Variants in DIP2C observed in about 807,000 individuals in gnomAD.
DIP2C encodes DIP2 acetate--CoA ligase C (putative), also known as disco-interacting protein 2 homolog C.
In DIP2C, 33 loss-of-function variants were observed where a neutral mutation model predicts 192.4. That is an observed-to-expected ratio of 0.17 (90% CI 0.13 to 0.23). The LOEUF (loss-of-function observed/expected upper bound fraction) is 0.23, where lower values mean the gene tolerates loss of function less well. DIP2C is among the 10% of genes least tolerant of loss of function. DIP2C has a pLI of 1.00. For missense variants in DIP2C, 1,537 were observed against 2,110.1 expected, an observed-to-expected ratio of 0.73 and a Z score of 5.32; for synonymous variants, 979 against 864.1, an observed-to-expected ratio of 1.13 and a Z score of -2.33.
intron 31 of DIP2C, chr10:311,576 C>T: frequency 2.4e-6 from 3 of 1,232,266 alleles, no homozygotes; most frequent in Non-Finnish European, 3.0e-6. Context: ...GCTACAGCAG[C>T]AGAAGGGTGA....
chr10:620,831 C>G (rs1256562438), intron 1 of DIP2C, among the ~76,000 whole-genome samples: 2 of 152,188 alleles, frequency 1.3e-5, no homozygotes, highest in Non-Finnish European at 2.9e-5. Context: ...ATTATTTCAA[C>G]GTTTAGTGGT....
chr10:665,372 A>G lies in DIP2C; in HGVS notation c.85+24122T>C, dbSNP rs1857021217. On this transcript the variant is annotated intron_variant, in intron 1 of 36. Transcript: ENST00000280886. ...TGGTGCTTTTTTAACTGAAAAGAAA[A>G]ACGGGGGATAGGTAATAAATAATTA... 2.0e-5 allele frequency: 3 copies of G among 152,316 alleles called. No individual in the cohort carries two copies. In the South Asian group the frequency reaches 6.2e-4, roughly 32 times the overall value. The allele number at this position is 152,316 out of a possible 1,614,324, so 9.4% of individuals were successfully genotyped here.
At chr10:542,171 G>A (rs572897200) in intron 1 of DIP2C, among the ~76,000 whole-genome samples, 94 of 152,252 alleles carry the variant, frequency 6.2e-4, no homozygotes, top group African/African-American at 2.1e-3. Flanking sequence ...CCCCCACCCT[G>A]TGACGGCTCA....
chr10:401,515 G>A (rs1253383644), intron 9 of DIP2C, among the ~76,000 whole-genome samples: 1 of 146,422 alleles, frequency 6.8e-6, no homozygotes, highest in Non-Finnish European at 1.5e-5. Context: ...TTACATGTGT[G>A]GTAGCATTAG....
intron 31 of DIP2C, among the ~76,000 whole-genome samples, chr10:321,665 TCAGTCGGGGGTGCGGGGCTCCGGCGA>T (rs1957034778): frequency 1.8e-5 from 1 of 56,338 alleles, no homozygotes; most frequent in African/African-American, 9.2e-5. Flanking sequence ...GTTAGAACAG[TCAGTCGGGGGTGCGGGGCTCCGGCGA>T]GAGACCGGCG....
chr10:510,254 A>AT (rs1845921684), intron 1 of DIP2C, among the ~76,000 whole-genome samples: 1 of 152,182 alleles, frequency 6.6e-6, no homozygotes, highest in African/African-American at 2.4e-5. Flanking sequence ...GATGAGGAAA[A>AT]TGCTGCTTGG....
At position 480,093 on chromosome 10, in the gene DIP2C, C is replaced by T. The variant is rs912835107; in HGVS notation, c.157+6366G>A. Among the ~76,000 whole-genome samples the T allele has an allele frequency of 4.7e-5, 7 of 150,450 alleles. No individual in the cohort carries two copies. In the South Asian group the frequency reaches 8.5e-4, roughly 18 times the overall value. ...GAGTGTCATCCGCCAGCCTGAGCTC[C>T]GGTCCACGCTCACTGGATGAGTCTC... On this transcript the variant is annotated intron_variant, in intron 2 of 36. Coordinates refer to ENST00000280886, the MANE Select transcript of DIP2C (RefSeq NM_014974.3).
intron 28 of DIP2C, among the ~76,000 whole-genome samples, chr10:344,415 C>A (rs891415302): frequency 6.6e-6 from 1 of 151,486 alleles, no homozygotes; most frequent in Non-Finnish European, 1.5e-5. Context: ...GGGGTTTGCA[C>A]GGCACCTCGG....
chr10:612,307 A>G (rs1853149124), intron 1 of DIP2C, among the ~76,000 whole-genome samples: 2 of 152,182 alleles, frequency 1.3e-5, no homozygotes, highest in South Asian at 4.2e-4. Flanking sequence ...AAAAAAATAA[A>G]CCAATACACC....
chr10:613,408 G>C (rs1853231972), intron 1 of DIP2C, among the ~76,000 whole-genome samples: 1 of 152,194 alleles, frequency 6.6e-6, no homozygotes, highest in African/African-American at 2.4e-5. Context: ...GTGCCTGCCA[G>C]GCCCGGGAGG....
intron 10 of DIP2C, among the ~76,000 whole-genome samples, chr10:391,371 T>C (rs550499012): frequency 6.6e-6 from 1 of 152,334 alleles, no homozygotes; most frequent in Non-Finnish European, 1.5e-5. Context: ...AAGACCTGGG[T>C]CACTTTCTCC....
chr10:360,301 T>C (rs1214670756), intron 22 of DIP2C, among the ~76,000 whole-genome samples: 3 of 152,110 alleles, frequency 2.0e-5, no homozygotes, highest in East Asian at 3.9e-4. Context: ...CAGTGTCCCC[T>C]GTTGAAGAGA....
At chr10:315,936 A>T (rs1416649839) in intron 31 of DIP2C, among the ~76,000 whole-genome samples, 1 of 152,108 alleles carries the variant, frequency 6.6e-6, no homozygotes, top group African/African-American at 2.4e-5. Context: ...CCTCTGCTGT[A>T]TCTAGTCTCC....
intron 31 of DIP2C, among the ~76,000 whole-genome samples, chr10:313,426 G>C (rs541384178): frequency 6.6e-6 from 1 of 152,328 alleles, no homozygotes; most frequent in African/African-American, 2.4e-5. Flanking sequence ...TTCCATATCT[G>C]TGAGTTTCGC....
chr10:518,763 C>T (rs987987671), intron 1 of DIP2C, among the ~76,000 whole-genome samples: 3 of 152,210 alleles, frequency 2.0e-5, no homozygotes, highest in Non-Finnish European at 2.9e-5. Flanking sequence ...CAATGCTCAC[C>T]GTCCTACAGA....
chr10:660,403 CCT>C (rs1452669743), intron 1 of DIP2C, among the ~76,000 whole-genome samples: 1 of 150,918 alleles, frequency 6.6e-6, no homozygotes, highest in Non-Finnish European at 1.5e-5. Context: ...AGCCCTTGTC[CCT>C]GTTTCAAGCT....
chr10:656,145 A>AAT (rs374027119), intron 1 of DIP2C, among the ~76,000 whole-genome samples: 6 of 176 alleles, frequency 0.034, no homozygotes, highest in Non-Finnish European at 0.05. Context: ...CTATACTATA[A>AAT]GTTACACTGT....
At position 422,868 on chromosome 10, in the gene DIP2C, C is replaced by G. The variant is rs758254785; in HGVS notation, c.560G>C (p.Gly187Ala). 3 of 1,613,146 alleles carry G rather than the reference C, an allele frequency of 1.9e-6. No homozygotes were observed. The highest frequency in any genetic ancestry group is 2.5e-6 in the Non-Finnish European group (3 of 1,179,970). Residue 187 changes from glycine (G) to alanine (A), a missense_variant, in exon 5 of 37, where the codon GGG becomes GCG. Physicochemically the swap from Gly to Ala is moderately conservative, Grantham distance 60 (BLOSUM62 0). Around this residue, in one of 4 missense-constraint regions of DIP2C, gnomAD observed 473 missense variants for 539.6 expected, o/e 0.88. Coordinates refer to ENST00000280886, the MANE Select transcript of DIP2C (RefSeq NM_014974.3). ...GACGTCCGCCAGCCTGTGGGCAGCC[C>G]CGCTGCCCCCGCTCTGCGTAGAGGA... ...SSSSTQSGGS[G>A]AAHRLADVMA...
intron 23 of DIP2C, among the ~76,000 whole-genome samples, chr10:357,456 G>A (rs920246002): frequency 1.3e-5 from 2 of 152,210 alleles, no homozygotes; most frequent in African/African-American, 4.8e-5. Flanking sequence ...GACAAGGACT[G>A]CCAGACATTT....
Sources: allele counts gnomAD v4.1 joint callset (sites outside exome capture counted in the v4.1 genomes callset), GRCh38; gene constraint gnomAD v4.1.1; regional missense constraint gnomAD v4.1.1; transcripts MANE v1.5; gene names NCBI Gene and HGNC (gene_info 2026-07-23, HGNC 2026-07-21).